Variants in PACS2 observed in about 807,000 individuals in gnomAD.
The protein encoded by PACS2 is phosphofurin acidic cluster sorting protein 2, also known as PACS1-like protein.
Under a neutral mutation model 113.0 loss-of-function variants are expected in PACS2, and 36 were observed. The ratio of observed to expected loss-of-function variants is 0.32; its 90% confidence interval spans 0.24 to 0.42. The LOEUF is 0.42. Among genes scored for constraint, PACS2 ranks in the 10% least tolerant of loss-of-function variants. The probability of loss-of-function intolerance (pLI) is 1.00; values close to 1 mark genes in which losing one functional copy is unlikely to be tolerated. For missense variants in PACS2, 1,015 were observed against 1,239.5 expected, an observed-to-expected ratio of 0.82 and a Z score of 2.72; for synonymous variants, 589 against 536.1, an observed-to-expected ratio of 1.10 and a Z score of -1.36.
rs1330923122 is a variant in PACS2 at position 105,317,439 on chromosome 14, C to T, written c.119+2402C>T. Among the ~76,000 whole-genome samples, 3 of 152,150 alleles carry T rather than the reference C, an allele frequency of 2.0e-5. No individual in the cohort carries two copies. On this transcript the variant is annotated intron_variant, in intron 1 of 24. Coordinates refer to ENST00000447393, the MANE Select transcript of PACS2 (RefSeq NM_001100913.3). This position sits in a 1 kb window ranked among gnomAD's most constrained non-coding sequence, Gnocchi z 4.2. ...CAGAGTGGTTGTGCCTGCTCCGGCCCCCACTGACAGGGACGAGAGTCCCCA... is the reference window on the plus strand; with the variant it reads ...CAGAGTGGTTGTGCCTGCTCCGGCCTCCACTGACAGGGACGAGAGTCCCCA...
chr14:105,343,592 T>C (rs1449664961), intron 1 of PACS2, among the ~76,000 whole-genome samples: 1 of 152,232 alleles, frequency 6.6e-6, no homozygotes, highest in Non-Finnish European at 1.5e-5. Flanking sequence ...TCGTTTGGTT[T>C]TAATTTGCAT....
At position 105,381,048 on chromosome 14, in the gene PACS2, C is replaced by T. The variant is rs145012533; in HGVS notation, c.1217C>T (p.Pro406Leu). 8.0e-5 allele frequency: 129 copies of T among 1,612,472 alleles called. No individual in the cohort carries two copies. Among genetic ancestry groups the T allele is most frequent in the African/African-American group, 2.4e-4 (18 of 75,040 alleles). ...STLDVFTERL[P>L]PSGRITKTES... is the part of the protein sequence containing the mutation. ...CTGGATGTGTTCACGGAGAGGCTGCCGCCCAGCGGGAGGATCACCAAGACA... is the reference window on the plus strand; with the variant it reads ...CTGGATGTGTTCACGGAGAGGCTGCTGCCCAGCGGGAGGATCACCAAGACA... The change falls in exon 12 of 25, where the codon CCG (proline) becomes CTG (leucine). Residue 406 changes from proline to leucine, a missense_variant. By Grantham distance (98) the Pro-to-Leu change is moderately conservative (BLOSUM62 -3). Transcript: ENST00000447393.
upstream of PACS2, among the ~76,000 whole-genome samples, chr14:105,313,086 T>C (rs2058391949): frequency 6.6e-6 from 1 of 152,196 alleles, no homozygotes; most frequent in African/African-American, 2.4e-5. Flanking sequence ...TGCCAAGCCC[T>C]GCTGTGCACG....
intron 4 of PACS2, among the ~76,000 whole-genome samples, chr14:105,363,457 C>T (rs965077570): frequency 2.6e-5 from 4 of 152,206 alleles, no homozygotes; most frequent in Non-Finnish European, 4.4e-5. Flanking sequence ...GTTATGGAGA[C>T]GGCTGCTTTA....
chr14:105,326,533 A>AGTGCCCGCCG (rs754596923), intron 1 of PACS2, among the ~76,000 whole-genome samples: 3 of 152,240 alleles, frequency 2.0e-5, no homozygotes, highest in Non-Finnish European at 4.4e-5. Flanking sequence ...GGCTTCAGGC[A>AGTGCCCGCCG]GTGCCCGCCG....
intron 20 of PACS2, 101 bp from the exon 21 acceptor site, chr14:105,391,106 T>G: frequency 1.2e-6 from 1 of 846,912 alleles, no homozygotes; most frequent in Non-Finnish European, 2.0e-6. Flanking sequence ...TCCAGCATCA[T>G]GGGAGTGGTG....
chr14:105,392,968 A>T, intron 23 of PACS2, 123 bp downstream of exon 23: 1 of 750,084 alleles, frequency 1.3e-6, no homozygotes, highest in Non-Finnish European at 2.2e-6. Flanking sequence ...ATGCGCAGGC[A>T]GGGGCGGGTG....
chr14:105,311,979 C>T (rs1368181509), upstream of PACS2, among the ~76,000 whole-genome samples: 1 of 152,216 alleles, frequency 6.6e-6, no homozygotes, highest in Non-Finnish European at 1.5e-5. Flanking sequence ...CTTCCTCAGC[C>T]CAGCTCCTGG....
intron 19 of PACS2, among the ~76,000 whole-genome samples, chr14:105,387,692 C>T (rs1160931909): frequency 6.6e-6 from 1 of 152,236 alleles, no homozygotes; most frequent in East Asian, 1.9e-4. Context: ...TGTGTTGTGA[C>T]GTCTCCTGCA....
Position 105,348,981 on chromosome 14 carries a change from G to A in PACS2, c.207+401G>A, listed in dbSNP as rs587625339. On this transcript the variant is annotated intron_variant, in intron 2 of 24. Coordinates refer to ENST00000447393, the MANE Select transcript of PACS2 (RefSeq NM_001100913.3). The surrounding 1 kb of genome is among the most constrained non-coding windows in gnomAD (Gnocchi z 6.4). Reference sequence around the variant, plus strand: ...GAGCAGGGCACTCTGGGAGGCGAGGGCCTAGCCAGAACTCCCAGCCCCTGG... The same window carrying A: ...GAGCAGGGCACTCTGGGAGGCGAGGACCTAGCCAGAACTCCCAGCCCCTGG... 6.6e-6 allele frequency among the ~76,000 whole-genome samples: 1 copy of A among 152,350 alleles called. No homozygotes were observed. The highest frequency in any genetic ancestry group is 1.9e-4 in the East Asian group (1 of 5,180).
intron 1 of PACS2, among the ~76,000 whole-genome samples, chr14:105,301,593 A>T (rs1406576924): frequency 1.3e-5 from 2 of 152,040 alleles, no homozygotes; most frequent in African/African-American, 4.8e-5. Context: ...CGCCCTCCGC[A>T]TTTGCGGCGT....
intron 1 of PACS2, among the ~76,000 whole-genome samples, chr14:105,319,305 A>T (rs1487968052): frequency 1.3e-5 from 2 of 152,244 alleles, no homozygotes; most frequent in African/African-American, 4.8e-5. Flanking sequence ...GAAGTTCTTT[A>T]ACTCTGTAGA....
chr14:105,386,851 T>TG (rs1368479688), intron 19 of PACS2, among the ~76,000 whole-genome samples: 1 of 152,150 alleles, frequency 6.6e-6, no homozygotes, highest in African/African-American at 2.4e-5. Context: ...AGACCAGCCG[T>TG]GGGGGCCTCC....
rs1480019484 is a variant in PACS2, at chr14:105,395,177, ACTC to A, written c.*508_*510del. On this transcript the variant is annotated 3_prime_UTR_variant, in exon 25 of 25. Transcript: ENST00000447393. ...ACCGCACACTCGTGGTTCCCAATAA[ACTC>A]CTGCCTGCGGCGGAGGTTTTATAGC... 2.0e-5 allele frequency: 3 copies of A among 153,398 alleles called. No individual in the cohort carries two copies. Among genetic ancestry groups the A allele is most frequent in the African/African-American group, 7.2e-5 (3 of 41,404 alleles). 9.5% of individuals were successfully genotyped at this position (153,398 alleles called of 1,614,324 possible).
At chr14:105,382,253 C>T (rs1555412256) in intron 13 of PACS2, among the ~76,000 whole-genome samples, 195 bp downstream of exon 13, 1 of 152,194 alleles carries the variant, frequency 6.6e-6, no homozygotes, top group Non-Finnish European at 1.5e-5. Flanking sequence ...CCATGTGGAC[C>T]CCAGGGCAAG....
chr14:105,382,632 A>AGTG (rs782778032), intron 14 of PACS2, 51 bp downstream of exon 14: 2 of 1,220,936 alleles, frequency 1.6e-6, no homozygotes, highest in Non-Finnish European at 2.4e-6. Context: ...GACAGAGGAG[A>AGTG]GTGGGTTCCT....
chr14:105,359,782 G>A (rs1020889670), intron 4 of PACS2, among the ~76,000 whole-genome samples: 20 of 151,862 alleles, frequency 1.3e-4, no homozygotes, highest in African/African-American at 2.4e-4. Context: ...TAGTAGAGAC[G>A]GGGTTTCACC....
At chr14:105,339,773 T>C (rs2059657803) in intron 1 of PACS2, among the ~76,000 whole-genome samples, 1 of 151,848 alleles carries the variant, frequency 6.6e-6, no homozygotes, top group Non-Finnish European at 1.5e-5. Context: ...CAGAAGCTGA[T>C]TGGAAAAGCT....
chr14:105,388,454 G>C (rs1256198001), intron 19 of PACS2, among the ~76,000 whole-genome samples: 1 of 152,256 alleles, frequency 6.6e-6, no homozygotes, highest in East Asian at 1.9e-4. Context: ...AGCGCTGCTG[G>C]TCCTGGGAGC....
Sources: gnomAD v4.1 joint callset for allele counts (sites outside exome capture counted in the v4.1 genomes callset) on GRCh38, gnomAD v4.1.1 for gene constraint, Gnocchi (gnomAD v3.1) non-coding constraint, MANE v1.5 for transcripts, NCBI Gene and HGNC (gene_info 2026-07-23, HGNC 2026-07-21) for gene names.